Variants in GATA4 observed in about 807,000 individuals in gnomAD.
GATA4 encodes transcription factor GATA-4.
In GATA4, 7 loss-of-function variants were observed where a neutral mutation model predicts 37.9. That is an observed-to-expected ratio of 0.18 (90% CI 0.11 to 0.35). The LOEUF is 0.35. GATA4 is among the 10% of genes least tolerant of loss of function. The pLI, the probability that GATA4 is intolerant of heterozygous loss-of-function variation, is 1.00. For missense variants in GATA4, 647 were observed against 653.0 expected, an observed-to-expected ratio of 0.99 and a Z score of 0.10; for synonymous variants, 372 against 292.6, an observed-to-expected ratio of 1.27 and a Z score of -2.77.
In GATA4 at chr8:11,749,782, TCTC is replaced by T. The variant is rs1441862062; in HGVS notation, c.787-325_787-323del. Among the ~76,000 whole-genome samples the T allele has an allele frequency of 6.6e-6, 1 of 152,120 alleles. No homozygotes were observed. The highest frequency in any genetic ancestry group is 2.4e-5 in the African/African-American group (1 of 41,414). On this transcript the variant is annotated intron_variant, in intron 3 of 6. Coordinates refer to ENST00000532059, the MANE Select transcript of GATA4 (RefSeq NM_001308093.3). The surrounding 1 kb of genome is among the most constrained non-coding windows in gnomAD (Gnocchi z 4.6). ...CCCGGCACCTGCAGCCCCGGTCAGT[TCTC>T]CTCTCAGGAGAAGCTTTCCTGCCGG... is the stretch of plus-strand genomic sequence containing the variant.
chr8:11,697,528 G>A (rs539817676), intron 1 of GATA4: 2 of 984,960 alleles, frequency 2.0e-6, no homozygotes, highest in Admixed American at 1.2e-4. Context: ...GGAGGGAGAG[G>A]TGGTCGTGGA....
At chr8:11,690,623 G>A (rs1799279175), upstream of GATA4, among the ~76,000 whole-genome samples, 1 of 152,188 alleles carries the variant, frequency 6.6e-6, no homozygotes, top group African/African-American at 2.4e-5. Context: ...CACTTCTGGA[G>A]GTTAAGCAAG....
In GATA4 at chr8:11,758,143, G is replaced by A. The variant is rs929273624; in HGVS notation, c.1150-150G>A. On this transcript the variant is annotated intron_variant, in intron 6 of 6. Transcript: ENST00000532059. ...TTCATGCCTAGATCACCGGGATCAG[G>A]AGAAACAGAGAGAAGTGCTCCTTGG... is the stretch of plus-strand genomic sequence containing the variant. The A allele has an allele frequency of 5.1e-5, 38 of 749,506 alleles. 1 individual carries two copies. The highest frequency in any genetic ancestry group is 8.6e-5 in the Non-Finnish European group (37 of 427,988). The allele number at this position is 749,506 out of a possible 1,614,324, so 46.4% of individuals were successfully genotyped here.
At chr8:11,699,012 C>T (rs1799587829) in intron 1 of GATA4, among the ~76,000 whole-genome samples, 1 of 152,218 alleles carries the variant, frequency 6.6e-6, no homozygotes, top group Non-Finnish European at 1.5e-5. Flanking sequence ...TTCTCCATCT[C>T]CGAGCAACTT....
upstream of GATA4, among the ~76,000 whole-genome samples, chr8:11,688,524 G>GCACA (rs56159918): frequency 0.029 from 4,387 of 149,430 alleles, 90 homozygotes; most frequent in Admixed American, 0.059. Context: ...GTGCGCGCAT[G>GCACA]CACACACACA....
At chr8:11,695,425 A>G (rs1161026448) in intron 1 of GATA4, among the ~76,000 whole-genome samples, 1 of 152,146 alleles carries the variant, frequency 6.6e-6, no homozygotes, top group African/African-American at 2.4e-5. Flanking sequence ...AATAAATAAA[A>G]TAAATAAGAG....
chr8:11,755,648 A>G (rs1444568938), intron 5 of GATA4, among the ~76,000 whole-genome samples: 1 of 152,242 alleles, frequency 6.6e-6, no homozygotes, highest in Non-Finnish European at 1.5e-5. Flanking sequence ...CTCCATGAGA[A>G]CCAGTTTATG....
chr8:11,688,217 A>T (rs553911733), upstream of GATA4, among the ~76,000 whole-genome samples: 2 of 152,152 alleles, frequency 1.3e-5, no homozygotes, highest in South Asian at 4.1e-4. Flanking sequence ...AAACAAATTG[A>T]TTTTCAAAGC....
At chr8:11,735,676 C>A (rs1367418199) in intron 2 of GATA4, among the ~76,000 whole-genome samples, 1 of 152,212 alleles carries the variant, frequency 6.6e-6, no homozygotes, top group Admixed American at 6.5e-5. Flanking sequence ...GATTCTTCTG[C>A]TTCAGCCTCC....
chr8:11,680,019 A>C (rs769574261), intron 1 of GATA4, among the ~76,000 whole-genome samples: 1 of 152,352 alleles, frequency 6.6e-6, no homozygotes, highest in Non-Finnish European at 1.5e-5. Context: ...TAATCAGCTC[A>C]AAGTCACATC....
chr8:11,709,116 C>A lies in GATA4; in HGVS notation c.616+188C>A, dbSNP rs1272302075. On this transcript the variant is annotated intron_variant, in intron 2 of 6. Coordinates refer to ENST00000532059, the MANE Select transcript of GATA4 (RefSeq NM_001308093.3). The surrounding 1 kb of genome is among the most constrained non-coding windows in gnomAD (Gnocchi z 4.3). ...CGACATCACAGCCCCAGAAGACCGG[C>A]TTCTGTGGAAGGGGCCGGGCCTGCC... Among the ~76,000 whole-genome samples the A allele has an allele frequency of 6.6e-6, 1 of 152,144 alleles. No homozygotes were observed. Among genetic ancestry groups the A allele is most frequent in the African/African-American group, 2.4e-5 (1 of 41,454 alleles).
At chr8:11,693,878 A>T (rs1799422390) in intron 1 of GATA4, among the ~76,000 whole-genome samples, 1 of 152,186 alleles carries the variant, frequency 6.6e-6, no homozygotes, top group African/African-American at 2.4e-5. Flanking sequence ...GTCCGCAGGC[A>T]TTCTGTCCCC....
At chr8:11,690,885 A>C (rs1444484935), upstream of GATA4, among the ~76,000 whole-genome samples, 1 of 152,204 alleles carries the variant, frequency 6.6e-6, no homozygotes, top group Non-Finnish European at 1.5e-5. Context: ...TCTTCAAACA[A>C]AAAAGGTTAT....
At chr8:11,703,213 C>A (rs1799745173), upstream of GATA4, among the ~76,000 whole-genome samples, 1 of 152,150 alleles carries the variant, frequency 6.6e-6, no homozygotes. Context: ...AGCGTGAGAG[C>A]CACCCGCCGG....
chr8:11,740,159 G>A (rs546055088), intron 2 of GATA4, among the ~76,000 whole-genome samples: 88 of 152,310 alleles, frequency 5.8e-4, no homozygotes, highest in African/African-American at 2.0e-3. Flanking sequence ...TGCCCAATGC[G>A]TTGTCCTGGC....
chr8:11,684,658 T>C (rs1799083445), intron 1 of GATA4, among the ~76,000 whole-genome samples: 1 of 152,242 alleles, frequency 6.6e-6, no homozygotes, highest in African/African-American at 2.4e-5. Context: ...TTCAGTTTCT[T>C]ATATTTTAAA....
At chr8:11,756,771 C>T in intron 5 of GATA4, 164 bp from the exon 6 acceptor site, 2 of 888,948 alleles carry the variant, frequency 2.2e-6, no homozygotes, top group South Asian at 1.4e-5. Flanking sequence ...AAGAAGCCAT[C>T]CCTGTGAGAA....
chr8:11,689,258 G>A (rs1279298579), upstream of GATA4, among the ~76,000 whole-genome samples: 9 of 152,340 alleles, frequency 5.9e-5, no homozygotes, highest in Non-Finnish European at 1.0e-4. Flanking sequence ...GAAATGGGAA[G>A]ACATTCACTC....
At chr8:11,722,356 C>G (rs892249976) in intron 2 of GATA4, among the ~76,000 whole-genome samples, 24 of 152,158 alleles carry the variant, frequency 1.6e-4, no homozygotes, top group African/African-American at 5.8e-4. Context: ...CTGAAAAGTA[C>G]GAGGACTCTT....
Sources: allele counts gnomAD v4.1 joint callset (sites outside exome capture counted in the v4.1 genomes callset), GRCh38; gene constraint gnomAD v4.1.1; non-coding constraint Gnocchi (gnomAD v3.1); transcripts MANE v1.5; gene names NCBI Gene and HGNC (gene_info 2026-07-23, HGNC 2026-07-21).